DOCK2: variants seen among roughly 807,000 people sequenced by gnomAD.
DOCK2 encodes dedicator of cytokinesis protein 2.
Under a neutral mutation model 248.9 loss-of-function variants are expected in DOCK2, and 87 were observed. The observed-to-expected ratio is 0.35, with a 90% CI of 0.29 to 0.42. The LOEUF (loss-of-function observed/expected upper bound fraction) is 0.42, where lower values mean the gene tolerates loss of function less well. Among genes scored for constraint, DOCK2 ranks in the 10% least tolerant of loss-of-function variants. The probability of loss-of-function intolerance (pLI) is 1.00; values close to 1 mark genes in which losing one functional copy is unlikely to be tolerated. For synonymous variants in DOCK2, 805 were observed against 821.6 expected, an observed-to-expected ratio of 0.98 and a Z score of 0.35; for missense variants, 1,747 against 2,300.2, an observed-to-expected ratio of 0.76 and a Z score of 4.92.
chr5:170,075,941 C>T lies in DOCK2; in HGVS notation c.4729-6C>T. The T allele has an allele frequency of 6.2e-7, 1 of 1,613,928 alleles. No individual in the cohort carries two copies. Among genetic ancestry groups the T allele is most frequent in the South Asian group, 1.1e-5 (1 of 91,068 alleles). ...TCTGGCTCATTCTTTACCACTTTCTCTCCAGATCCCCTTCTTGGGAGCTGG... is the reference window on the plus strand; with the variant it reads ...TCTGGCTCATTCTTTACCACTTTCTTTCCAGATCCCCTTCTTGGGAGCTGG... On this transcript the variant is annotated splice_polypyrimidine_tract_variant and splice_region_variant and intron_variant, in intron 46 of 51. Transcript: ENST00000520908.
intron 22 of DOCK2, among the ~76,000 whole-genome samples, chr5:169,719,681 G>C (rs907824235): frequency 6.6e-6 from 1 of 152,164 alleles, no homozygotes; most frequent in East Asian, 1.9e-4. Context: ...GTTTTCCGAC[G>C]CAGAGGCTGC....
intron 30 of DOCK2, among the ~76,000 whole-genome samples, chr5:169,999,367 C>T (rs1754756329): frequency 6.6e-6 from 1 of 152,156 alleles, no homozygotes; most frequent in African/African-American, 2.4e-5. Context: ...TCACGTAAAG[C>T]ATTTAGAACA....
intron 22 of DOCK2, among the ~76,000 whole-genome samples, chr5:169,720,944 G>A (rs2113570354): frequency 1.3e-5 from 2 of 152,242 alleles, no homozygotes; most frequent in Middle Eastern, 6.8e-3. Flanking sequence ...GGATGGTCTT[G>A]ATCTCCTGAT....
At chr5:169,689,152 C>G in intron 8 of DOCK2, 100 bp from the exon 9 acceptor site, 1 of 1,085,194 alleles carries the variant, frequency 9.2e-7, no homozygotes, top group Non-Finnish European at 1.4e-6. Context: ...CCCCAGCAGC[C>G]AGTATGGTGT....
chr5:170,077,093 C>A (rs1290410932), intron 47 of DOCK2, among the ~76,000 whole-genome samples: 1 of 152,174 alleles, frequency 6.6e-6, no homozygotes, highest in South Asian at 2.1e-4. Context: ...TGATACAAAT[C>A]AAGACCAGCC....
intron 27 of DOCK2, among the ~76,000 whole-genome samples, chr5:169,870,668 A>G (rs1256680013): frequency 6.6e-6 from 1 of 152,094 alleles, no homozygotes; most frequent in Non-Finnish European, 1.5e-5. Flanking sequence ...TTTGTTACAC[A>G]TGTAAACATG....
chr5:169,959,341 C>A (rs1776989436), intron 27 of DOCK2, among the ~76,000 whole-genome samples: 1 of 151,854 alleles, frequency 6.6e-6, no homozygotes. Context: ...TGCACTCCAG[C>A]CTGGGTGACA....
chr5:169,697,220 G>A (rs900441036), intron 10 of DOCK2, among the ~76,000 whole-genome samples: 2 of 152,184 alleles, frequency 1.3e-5, no homozygotes, highest in African/African-American at 4.8e-5. Flanking sequence ...ACTCAAATCA[G>A]TTTGTCTCTT....
rs375430965 is a variant in DOCK2 at position 169,951,512 on chromosome 5, A to G, written c.2800-31556A>G. On this transcript the variant is annotated intron_variant, in intron 27 of 51. Transcript: ENST00000520908. Reference sequence around the variant, plus strand: ...GAGCCTGCTGTGTGCTGCCTGCTCCATTCTGGAGGTTCAGAGTTGGAAGAC... The same window carrying G: ...GAGCCTGCTGTGTGCTGCCTGCTCCGTTCTGGAGGTTCAGAGTTGGAAGAC... 1.8e-3 allele frequency among the ~76,000 whole-genome samples: 279 copies of G among 152,304 alleles called. 6 individuals carry two copies. In the South Asian group the frequency reaches 0.048, roughly 26 times the overall value.
chr5:169,813,733 A>G (rs1437470114), intron 26 of DOCK2, among the ~76,000 whole-genome samples: 2 of 152,214 alleles, frequency 1.3e-5, no homozygotes, highest in Non-Finnish European at 2.9e-5. Context: ...TTCTCATGAT[A>G]GTTCTCATTG....
At chr5:169,711,581 T>C (rs1024712847) in intron 15 of DOCK2, among the ~76,000 whole-genome samples, 10 of 152,158 alleles carry the variant, frequency 6.6e-5, no homozygotes, top group African/African-American at 2.4e-4. Flanking sequence ...ACTCCTGGAG[T>C]GTGTAAGGAA....
chr5:169,821,765 A>G (rs1768462680), intron 26 of DOCK2, among the ~76,000 whole-genome samples: 1 of 152,224 alleles, frequency 6.6e-6, no homozygotes, highest in African/African-American at 2.4e-5. Context: ...TTCACACATA[A>G]CAATATTAAC....
In DOCK2 at chr5:169,925,578, T is replaced by TAAAAAAA. The variant is rs1561828965; in HGVS notation, c.2800-57490_2800-57489insAAAAAAA. Among the ~76,000 whole-genome samples the TAAAAAAA allele has an allele frequency of 3.7e-4, 12 of 32,324 alleles. 6 individuals are homozygous for TAAAAAAA. Among genetic ancestry groups the TAAAAAAA allele is most frequent in the African/African-American group, 1.0e-3 (8 of 7,838 alleles). 21.2% of individuals were successfully genotyped at this position (32,324 alleles called of 152,430 possible). A position where few individuals can be genotyped will look rare whatever the true frequency, so the allele number is the denominator to read the frequency against. ...CTGGGCGACAGAGCAAGACTCTGTC[T>TAAAAAAA]TAAAAAAAAAAAAAAAAAAAAAAAA... On this transcript the variant is annotated intron_variant, in intron 27 of 51. Transcript: ENST00000520908.
At chr5:169,744,735 C>T (rs1432467063) in intron 22 of DOCK2, among the ~76,000 whole-genome samples, 1 of 152,212 alleles carries the variant, frequency 6.6e-6, no homozygotes, top group Non-Finnish European at 1.5e-5. Context: ...CCAAAAAAGC[C>T]TGTTTTTATG....
At chr5:169,793,363 G>C (rs1766466809) in intron 25 of DOCK2, among the ~76,000 whole-genome samples, 1 of 152,126 alleles carries the variant, frequency 6.6e-6, no homozygotes, top group Non-Finnish European at 1.5e-5. Flanking sequence ...CCCCTGCACT[G>C]TTATAGTAAG....
Position 169,717,401 on chromosome 5 carries a change from C to T in DOCK2, c.2049C>T (p.Leu683=). ...TTCCTCAGATTTACATAATAGGACT[C>T]ATTGCAGACCGGAAATTTCAGCATT... ...VFDALIYIIG[L]IADRKFQHFN... is the part of the protein sequence containing the mutation. Residue 683 remains leucine, a synonymous_variant, in exon 21 of 52, where the codon CTC becomes CTT. Transcript: ENST00000520908. 6.2e-7 allele frequency: 1 copy of T among 1,613,820 alleles called. No homozygotes were observed.
intron 1 of DOCK2, among the ~76,000 whole-genome samples, chr5:169,648,210 T>C (rs1473307489): frequency 6.6e-6 from 1 of 152,146 alleles, no homozygotes; most frequent in African/African-American, 2.4e-5. Flanking sequence ...GTTATGGGGC[T>C]GTCCTGTGCA....
intron 22 of DOCK2, among the ~76,000 whole-genome samples, chr5:169,744,467 C>T (rs749053305): frequency 3.9e-5 from 6 of 152,210 alleles, no homozygotes; most frequent in Non-Finnish European, 8.8e-5. Context: ...CTCTTGGTTT[C>T]AAACTCAGGG....
At chr5:169,909,560 T>C (rs1166627241) in intron 27 of DOCK2, among the ~76,000 whole-genome samples, 5 of 152,218 alleles carry the variant, frequency 3.3e-5, no homozygotes, top group East Asian at 1.9e-4. Context: ...GTGAGTATTA[T>C]TATCTGCAAA....
Sources: allele counts gnomAD v4.1 joint callset (sites outside exome capture counted in the v4.1 genomes callset), GRCh38; gene constraint gnomAD v4.1.1; transcripts MANE v1.5; gene names NCBI Gene and HGNC (gene_info 2026-07-23, HGNC 2026-07-21).